Variants in CEP164 observed in about 807,000 individuals in gnomAD.
CEP164 encodes centrosomal protein of 164 kDa.
In CEP164, 162 loss-of-function variants were observed where a neutral mutation model predicts 182.7. The ratio of observed to expected loss-of-function variants is 0.89; its 90% CI spans 0.78 to 1.01. CEP164 has a LOEUF of 1.01. Among genes scored for constraint, CEP164 ranks in the 50% least tolerant of loss-of-function variants. The pLI is 0.00. For missense variants in CEP164, 1,735 were observed against 1,790.4 expected (o/e 0.97, Z 0.56); for synonymous variants, 661 against 690.0 (o/e 0.96, Z 0.66).
rs2044558787 is a variant in CEP164, at chr11:117,390,889, G to A, written c.2047G>A (p.Ala683Thr). The A allele has an allele frequency of 1.9e-6, 3 of 1,613,734 alleles. No homozygotes were observed. In the African/African-American group the frequency reaches 4.0e-5, roughly 22 times the overall value. The change falls in exon 16 of 33, where the codon GCA becomes ACA. Residue 683 changes from alanine to threonine, a missense_variant. Coordinates refer to ENST00000278935, the MANE Select transcript of CEP164 (RefSeq NM_014956.5). ...AGCTCAGGTCCAGTCCAGCACACAAGCAGATGAGGACCAAATCAGGTAAGT... is the reference window on the plus strand; with the variant it reads ...AGCTCAGGTCCAGTCCAGCACACAAACAGATGAGGACCAAATCAGGTAAGT... Reference protein sequence around the residue: ...LRAQVQSSTQADEDQIRAEQE... With the variant: ...LRAQVQSSTQTDEDQIRAEQE...
At chr11:117,387,560 T>C in intron 15 of CEP164, 148 bp downstream of exon 15, 1 of 702,296 alleles carries the variant, frequency 1.4e-6, no homozygotes, top group East Asian at 2.7e-5. Flanking sequence ...CAATTTCTGC[T>C]TATATCTCAT....
chr11:117,411,790 C>T lies in CEP164; in HGVS notation c.4164-5C>T. 1 of 1,614,090 alleles carries T rather than the reference C, an allele frequency of 6.2e-7. No homozygotes were observed. Among genetic ancestry groups the T allele is most frequent in the Non-Finnish European group, 8.5e-7 (1 of 1,179,978 alleles). On this transcript the variant is annotated splice_region_variant and splice_polypyrimidine_tract_variant and intron_variant, in intron 31 of 32. Transcript: ENST00000278935. The surrounding 1 kb of genome is among the most constrained non-coding windows in gnomAD (Gnocchi z 4.4). ...CCCTCGCCATGCTCTCCTCTTCCTT[C>T]CCAGTGAGCAGCTCCGGCTCCTACA...
At chr11:117,380,548 C>G in intron 11 of CEP164, 66 bp from the exon 12 acceptor site, 1 of 1,304,048 alleles carries the variant, frequency 7.7e-7, no homozygotes, top group Non-Finnish European at 1.1e-6. Flanking sequence ...TGAGAGCCAG[C>G]AGGAGGATGG....
chr11:117,352,025 G>T (rs752770492), intron 5 of CEP164, 37 bp downstream of exon 5: 1 of 1,530,738 alleles, frequency 6.5e-7, no homozygotes, highest in South Asian at 1.2e-5. Context: ...AGAGGCCAGG[G>T]CTGAAATCTG....
At chr11:117,395,215 C>T (rs2045282577) in intron 23 of CEP164, 24 bp downstream of exon 23, 1 of 1,610,348 alleles carries the variant, frequency 6.2e-7, no homozygotes, top group East Asian at 2.2e-5. Context: ...TTTTGTCCTC[C>T]CTCCTGTTCT....
intron 1 of CEP164, among the ~76,000 whole-genome samples, chr11:117,330,348 A>G (rs1305584307): frequency 6.6e-6 from 1 of 152,202 alleles, no homozygotes. Context: ...TGTCTGGCCC[A>G]TGGTGGGTGT....
At chr11:117,336,236 A>G in intron 2 of CEP164, 1 of 1,593,410 alleles carries the variant, frequency 6.3e-7, no homozygotes, top group Non-Finnish European at 8.6e-7. Flanking sequence ...GAGGAGAAAG[A>G]GGAGGAGGAA....
chr11:117,340,723 T>C (rs2037983838), intron 3 of CEP164, among the ~76,000 whole-genome samples: 1 of 152,154 alleles, frequency 6.6e-6, no homozygotes, highest in Non-Finnish European at 1.5e-5. Context: ...AGGCTCTCAC[T>C]GTGTTGCCCA....
chr11:117,391,042 G>T lies in CEP164; in HGVS notation c.2110G>T (p.Glu704Ter). 6.2e-7 allele frequency: 1 copy of T among 1,614,118 alleles called. No homozygotes were observed. The highest frequency in any genetic ancestry group is 8.5e-7 in the Non-Finnish European group (1 of 1,180,030). Residue 704 changes from glutamate to a stop codon, truncating the protein, a stop_gained, in exon 17 of 33, where the codon GAG becomes TAG. Transcript: ENST00000278935. LOFTEE classifies it high-confidence loss of function. ...ASLQKLREEL[E>*]SQQKAERASL... ...CCTGCAGAAACTGAGAGAAGAGTTG[G>T]AGTCTCAACAGAAGGCTGAGAGGGC...
chr11:117,375,663 C>A, intron 10 of CEP164, 45 bp from the exon 11 acceptor site: 1 of 1,566,966 alleles, frequency 6.4e-7, no homozygotes, highest in Non-Finnish European at 8.8e-7. Flanking sequence ...TGGGTGTTGA[C>A]TGTGACAGAG....
rs980000424 is a variant in CEP164, at chr11:117,330,483, T to A, written c.-98+2579T>A. 3.3e-5 allele frequency among the ~76,000 whole-genome samples: 5 copies of A among 152,300 alleles called. No individual in the cohort carries two copies. The East Asian group carries it at 9.7e-4, about 29-fold the overall frequency. On this transcript the variant is annotated intron_variant, in intron 1 of 32. Transcript: ENST00000278935. ...GGCCAACATGGTGAAACCCCATCTC[T>A]ACTAAAAATACAAAAATTAGCCGGG...
rs944002173 is a variant in CEP164 at position 117,392,683 on chromosome 11, G to C, written c.2493+56G>C. On this transcript the variant is annotated intron_variant, in intron 19 of 32. Transcript: ENST00000278935. The stretch of plus-strand genomic sequence containing the variant: ...TGCGCCTGTTGTGGACTCTCTTACA[G>C]TCAGCTGAGCCGGCCTAGCCTCAGC... The C allele has an allele frequency of 3.1e-6, 5 of 1,588,056 alleles. No homozygotes were observed. In the African/African-American group the frequency reaches 5.4e-5, roughly 17 times the overall value.
At chr11:117,346,606 G>A (rs371335107) in intron 4 of CEP164, among the ~76,000 whole-genome samples, 3 of 150,298 alleles carry the variant, frequency 2.0e-5, no homozygotes, top group African/African-American at 2.4e-5. Context: ...GCTCACACCT[G>A]TAATCCCAGC....
At chr11:117,324,919 A>AAAG (rs1195648134), upstream of CEP164, among the ~76,000 whole-genome samples, 1 of 152,138 alleles carries the variant, frequency 6.6e-6, no homozygotes, top group Non-Finnish European at 1.5e-5. Context: ...ACAAACAAAA[A>AAAG]ACCAGATTGA....
chr11:117,352,149 T>C (rs1565456107), intron 5 of CEP164, among the ~76,000 whole-genome samples, 161 bp downstream of exon 5: 1 of 151,990 alleles, frequency 6.6e-6, no homozygotes, highest in African/African-American at 2.4e-5. Flanking sequence ...TCTGGTTGAT[T>C]TTTCTTTCAG....
chr11:117,378,139 G>C (rs2136067051), intron 11 of CEP164, among the ~76,000 whole-genome samples: 1 of 152,212 alleles, frequency 6.6e-6, no homozygotes, highest in Admixed American at 6.5e-5. Context: ...AAAGTGCTGG[G>C]ATTACAGGCA....
intron 4 of CEP164, among the ~76,000 whole-genome samples, chr11:117,346,279 T>G (rs955020227): frequency 1.3e-5 from 2 of 152,052 alleles, no homozygotes; most frequent in African/African-American, 4.8e-5. Flanking sequence ...TTTCACTTTT[T>G]TTTTTTTGAG....
rs894493619 is a variant in CEP164, at chr11:117,411,543, G to T, written c.4164-252G>T. The stretch of plus-strand genomic sequence containing the variant: ...GCTGATGAGATTGGCGGGAGCAGGC[G>T]GATGTGGGAGCCCAGAGCCTTGTAT... On this transcript the variant is annotated intron_variant, in intron 31 of 32. Transcript: ENST00000278935. The surrounding 1 kb of genome is among the most constrained non-coding windows in gnomAD (Gnocchi z 4.4). 5 of 442,048 alleles carry T rather than the reference G, an allele frequency of 1.1e-5. No homozygotes were observed. The highest frequency in any genetic ancestry group is 4.0e-5 in the African/African-American group (2 of 50,180). The allele number at this position is 442,048 out of a possible 1,614,324, so 27.4% of individuals were successfully genotyped here. A position where few individuals can be genotyped will look rare whatever the true frequency, so the allele number is the denominator to read the frequency against.
chr11:117,363,959 GGTCTCTCTGTT>G (rs1184777616), intron 8 of CEP164: 2 of 151,954 alleles, frequency 1.3e-5, no homozygotes, highest in East Asian at 3.9e-4. Context: ...GCAGAGATGA[GGTCTCTCTGTT>G]GACCAGACTG....
Sources: allele counts gnomAD v4.1 joint callset (sites outside exome capture counted in the v4.1 genomes callset), GRCh38; gene constraint gnomAD v4.1.1; non-coding constraint Gnocchi (gnomAD v3.1); transcripts MANE v1.5; gene names NCBI Gene and HGNC (gene_info 2026-07-23, HGNC 2026-07-21).